UBR2: variants seen among roughly 807,000 people sequenced by gnomAD.
The protein encoded by UBR2 is ubiquitin protein ligase E3 component n-recognin 2, also known as E3 ubiquitin-protein ligase UBR2.
A neutral mutation model predicts 247.9 loss-of-function variants in UBR2; 92 were observed. That is an observed-to-expected ratio of 0.37 (90% confidence interval 0.31 to 0.44). The LOEUF (loss-of-function observed/expected upper bound fraction) is 0.44, where lower values mean the gene tolerates loss of function less well. UBR2 is among the 20% of genes least tolerant of loss of function. The pLI, the probability that UBR2 is intolerant of heterozygous loss-of-function variation, is 1.00. For synonymous variants in UBR2, 672 were observed against 693.5 expected (o/e 0.97, Z 0.49); for missense variants, 1,613 against 2,112.6 (o/e 0.76, Z 4.64).
rs758467683 is a variant in UBR2, at chr6:42,689,743, G to A, written c.5126+73G>A. On this transcript the variant is annotated intron_variant, in intron 46 of 46. Coordinates refer to ENST00000372901, the MANE Select transcript of UBR2 (RefSeq NM_001363705.2). This position sits in a 1 kb window ranked among gnomAD's most constrained non-coding sequence, Gnocchi z 4.0. ...CCGTATGTGGTGACGTCCTGAGGGT[G>A]GAGGGCTGAGGTGGTTCTGGAAGAG... 1.4e-4 allele frequency: 188 copies of A among 1,325,252 alleles called. No homozygotes were observed. Among genetic ancestry groups the A allele is most frequent in the Non-Finnish European group, 1.8e-4 (165 of 920,756 alleles). The allele number at this position is 1,325,252 out of a possible 1,614,324, so 82.1% of individuals were successfully genotyped here.
intron 44 of UBR2, among the ~76,000 whole-genome samples, chr6:42,686,391 T>TG (rs1799398993): frequency 6.6e-6 from 1 of 151,734 alleles, no homozygotes; most frequent in South Asian, 2.1e-4. Context: ...AGCACGGGGT[T>TG]GGGGGTAAGG....
At chr6:42,648,285 C>T in intron 22 of UBR2, 115 bp downstream of exon 22, 1 of 829,834 alleles carries the variant, frequency 1.2e-6, no homozygotes, top group East Asian at 2.5e-5. Context: ...CAGAGATTGA[C>T]AGACATTTTC....
chr6:42,676,141 A>G lies in UBR2; in HGVS notation c.4337A>G (p.His1446Arg), dbSNP rs777721526. Residue 1446 changes from histidine to arginine, a missense_variant, in exon 39 of 47, where the codon CAT becomes CGT. His to Arg is a conservative substitution (Grantham distance 29). Around this residue, in one of 3 missense-constraint regions of UBR2, gnomAD observed 1,524 missense variants for 1,967.3 expected, o/e 0.77. Coordinates refer to ENST00000372901, the MANE Select transcript of UBR2 (RefSeq NM_001363705.2). ...SLGTGDLHIF[H>R]LVTMAHIIQI... ...GGCACTGGAGACCTTCACATTTTCC[A>G]TCTGGTTACTATGGCACACATCATA... 2 of 1,613,760 alleles carry G rather than the reference A, an allele frequency of 1.2e-6. No individual in the cohort carries two copies. Among genetic ancestry groups the G allele is most frequent in the Non-Finnish European group, 1.7e-6 (2 of 1,179,956 alleles).
chr6:42,658,461 T>G (rs1797569451), intron 28 of UBR2, 141 bp downstream of exon 28: 19 of 1,115,142 alleles, frequency 1.7e-5, no homozygotes, highest in Admixed American at 3.1e-5. Context: ...CTCTATTTGT[T>G]GTAGCAATTT....
intron 32 of UBR2, among the ~76,000 whole-genome samples, chr6:42,663,899 C>T (rs1797964348): frequency 6.6e-6 from 1 of 152,160 alleles, no homozygotes; most frequent in African/African-American, 2.4e-5. Context: ...TGGCTCACAT[C>T]TATAATCCTA....
At chr6:42,643,129 G>A (rs142311948) in intron 18 of UBR2, among the ~76,000 whole-genome samples, 84 of 152,076 alleles carry the variant, frequency 5.5e-4, no homozygotes, top group African/African-American at 1.7e-3. Context: ...TAACCCTGCC[G>A]TAGCACTCAC....
At chr6:42,667,986 T>C (rs1246051754) in intron 34 of UBR2, among the ~76,000 whole-genome samples, 1 of 152,036 alleles carries the variant, frequency 6.6e-6, no homozygotes, top group Non-Finnish European at 1.5e-5. Context: ...CTCAAACTCC[T>C]GACCTCAGGT....
At position 42,602,635 on chromosome 6, in the gene UBR2, A is replaced by C. The variant is rs183590526; in HGVS notation, c.532-953A>C. ...TGTGTGTGTGTGTGTGTATATATAC[A>C]TTTACATTAATATATACAAATATAT... On this transcript the variant is annotated intron_variant, in intron 4 of 46. Coordinates refer to ENST00000372901, the MANE Select transcript of UBR2 (RefSeq NM_001363705.2). Among the ~76,000 whole-genome samples, 210 of 149,362 alleles carry C rather than the reference A, an allele frequency of 1.4e-3. 2 individuals carry two copies. The highest frequency in any genetic ancestry group is 2.5e-3 in the Non-Finnish European group (166 of 67,510).
rs376306465 is a variant in UBR2 at position 42,645,418 on chromosome 6, T to C, written c.2285-48T>C. The C allele has an allele frequency of 1.2e-5, 19 of 1,555,030 alleles. No individual in the cohort carries two copies. In the East Asian group the frequency reaches 4.0e-4, roughly 33 times the overall value. On this transcript the variant is annotated intron_variant, in intron 20 of 46. Transcript: ENST00000372901. ...ATTATAAGTATATATCACGAAAGTA[T>C]TGTGATTATGTTAAATGTATGTATA...
intron 2 of UBR2, among the ~76,000 whole-genome samples, chr6:42,591,471 A>G (rs1190060843): frequency 6.6e-6 from 1 of 152,212 alleles, no homozygotes; most frequent in Non-Finnish European, 1.5e-5. Context: ...AACTGGCAGT[A>G]TGAAGAAAGC....
rs1351275035 is a variant in UBR2 at position 42,691,098 on chromosome 6, C to T, written c.5193C>T (p.His1731=). Residue 1731 remains histidine (H), a synonymous_variant, in exon 47 of 47, where the codon CAC becomes CAT. Coordinates refer to ENST00000372901, the MANE Select transcript of UBR2 (RefSeq NM_001363705.2). ...AGATTCAGAAGCTCTGGCACCAACA[C>T]AGTGTCACAGAGGAAATTGGACATG... ...FKKIQKLWHQ[H]SVTEEIGHAQ... is the part of the protein sequence containing the mutation. The T allele has an allele frequency of 1.9e-6, 3 of 1,614,094 alleles. No individual in the cohort carries two copies. The highest frequency in any genetic ancestry group is 1.7e-5 in the Admixed American group (1 of 60,004).
In UBR2 at chr6:42,641,700, T is replaced by G. The variant is rs753380965; in HGVS notation, c.2031+8T>G. 8 of 1,601,984 alleles carry G rather than the reference T, an allele frequency of 5.0e-6. No individual in the cohort carries two copies. In the East Asian group the frequency reaches 1.4e-4, roughly 27 times the overall value. ...TTCTCTCTAGTAAACCAGGTAAGTG[T>G]TTTCTAATTCTATGAAGAGTTTTCA... is the stretch of plus-strand genomic sequence containing the variant. On this transcript the variant is annotated splice_region_variant and intron_variant, in intron 17 of 46. Transcript: ENST00000372901.
intron 4 of UBR2, among the ~76,000 whole-genome samples, chr6:42,600,625 CAAAAAA>C (rs71680032): frequency 9.4e-5 from 10 of 106,144 alleles, no homozygotes; most frequent in East Asian, 2.8e-4. Context: ...GTTACTGTAG[CAAAAAA>C]AAAAAAAAAA....
intron 18 of UBR2, 80 bp from the exon 19 acceptor site, chr6:42,644,134 A>C (rs12198323): frequency 2.1e-6 from 3 of 1,438,640 alleles, no homozygotes; most frequent in Non-Finnish European, 9.3e-7. Flanking sequence ...AAGCCAAACT[A>C]TCTCTCACTA....
intron 42 of UBR2, among the ~76,000 whole-genome samples, chr6:42,682,664 C>T (rs1799124107): frequency 6.6e-6 from 1 of 152,108 alleles, no homozygotes; most frequent in Non-Finnish European, 1.5e-5. Flanking sequence ...AAGTAATCTT[C>T]CCGCCTCAGC....
intron 8 of UBR2, among the ~76,000 whole-genome samples, chr6:42,614,240 ACACACGCG>A (rs1562311147): frequency 2.7e-4 from 11 of 40,326 alleles, no homozygotes; most frequent in South Asian, 1.0e-3. Context: ...ACACACACAC[ACACACGCG>A]CGCACATATA....
intron 9 of UBR2, 27 bp from the exon 10 acceptor site, chr6:42,615,970 CCTTAT>C: frequency 6.9e-7 from 1 of 1,450,068 alleles, no homozygotes; most frequent in Non-Finnish European, 9.3e-7. Context: ...TTGGGCGTGT[CCTTAT>C]CTTATACCGT....
intron 11 of UBR2, among the ~76,000 whole-genome samples, chr6:42,620,826 A>G (rs950084679): frequency 6.6e-6 from 1 of 151,250 alleles, no homozygotes; most frequent in Non-Finnish European, 1.5e-5. Context: ...TGTTTTTTAG[A>G]CGGAGTCTCG....
chr6:42,690,865 G>A (rs1044265870), intron 46 of UBR2, among the ~76,000 whole-genome samples, 167 bp from the exon 47 acceptor site: 2 of 152,006 alleles, frequency 1.3e-5, no homozygotes, highest in African/African-American at 4.8e-5. Flanking sequence ...CTTGGCAAAG[G>A]GTCAGAGCTG....
Sources: gnomAD v4.1 joint callset for allele counts (sites outside exome capture counted in the v4.1 genomes callset) on GRCh38, gnomAD v4.1.1 for gene constraint, gnomAD v4.1.1 regional missense constraint, Gnocchi (gnomAD v3.1) non-coding constraint, MANE v1.5 for transcripts, NCBI Gene and HGNC (gene_info 2026-07-23, HGNC 2026-07-21) for gene names.